TUSC3: variants seen among roughly 807,000 people sequenced by gnomAD.
TUSC3 encodes the protein dolichyl-diphosphooligosaccharide--protein glycosyltransferase subunit TUSC3.
TUSC3 carries 45 observed loss-of-function variants against 44.8 expected under a neutral mutation model. That is an observed-to-expected ratio of 1.00 (90% CI 0.79 to 1.29). TUSC3 has a LOEUF of 1.29. Among genes scored for constraint, TUSC3 ranks in the 50% most tolerant of loss-of-function variants. TUSC3 has a pLI of 0.00. For synonymous variants in TUSC3, 212 were observed against 152.9 expected, an observed-to-expected ratio of 1.39 and a Z score of -2.85; for missense variants, 519 against 437.9, an observed-to-expected ratio of 1.19 and a Z score of -1.65.
chr8:15,749,048 G>T (rs352782), intron 9 of TUSC3, among the ~76,000 whole-genome samples: 4,343 of 152,172 alleles, frequency 0.029, 190 homozygotes, highest in African/African-American at 0.097. Flanking sequence ...AGAGGTGCCC[G>T]ATTACAGTTG....
chr8:15,602,251 A>G (rs1012235229), intron 1 of TUSC3, among the ~76,000 whole-genome samples: 5 of 151,642 alleles, frequency 3.3e-5, no homozygotes, highest in Non-Finnish European at 7.4e-5. Context: ...CTTTTTGAAT[A>G]AATCTATTTT....
chr8:15,568,163 T>C (rs564127798), intron 1 of TUSC3, among the ~76,000 whole-genome samples: 38 of 152,114 alleles, frequency 2.5e-4, no homozygotes, highest in African/African-American at 8.9e-4. Flanking sequence ...GCCTGTGAAA[T>C]TGGAAGGATG....
intron 5 of TUSC3, among the ~76,000 whole-genome samples, chr8:15,663,459 G>T (rs964160095): frequency 6.6e-6 from 1 of 151,684 alleles, no homozygotes; most frequent in African/African-American, 2.4e-5. Flanking sequence ...AAAATTAGGG[G>T]TCTTGATGAC....
At chr8:15,760,976 C>A (rs576168262) in intron 10 of TUSC3, among the ~76,000 whole-genome samples, 37 of 152,264 alleles carry the variant, frequency 2.4e-4, no homozygotes, top group East Asian at 1.9e-3. Flanking sequence ...CATACTTAAT[C>A]ACACCCAGGT....
chr8:15,726,731 A>G (rs1039072365), intron 6 of TUSC3, among the ~76,000 whole-genome samples: 14 of 152,304 alleles, frequency 9.2e-5, no homozygotes, highest in Admixed American at 7.8e-4. Context: ...GTTTGAACCC[A>G]GGAGGCGGAG....
the TUSC3 span, among the ~76,000 whole-genome samples, chr8:15,829,631 C>G: frequency 6.6e-6 from 1 of 151,992 alleles, no homozygotes; most frequent in African/African-American, 2.4e-5. Context: ...GTTTATCAAT[C>G]TTTTCTTTTA....
At chr8:15,524,108 G>A (rs936720192) in intron 2 of TUSC3, among the ~76,000 whole-genome samples, 1 of 151,022 alleles carries the variant, frequency 6.6e-6, no homozygotes, top group Non-Finnish European at 1.5e-5. Flanking sequence ...ATTTGATTTA[G>A]ATGCATTTTT....
intron 10 of TUSC3, chr8:15,758,209 C>G: frequency 9.8e-7 from 1 of 1,017,484 alleles, no homozygotes; most frequent in Non-Finnish European, 1.2e-6. Context: ...GTAGCCAAAT[C>G]TTTTTTCCCA....
the TUSC3 span, among the ~76,000 whole-genome samples, chr8:15,841,280 G>C: frequency 1.3e-5 from 2 of 151,964 alleles, no homozygotes; most frequent in Admixed American, 1.3e-4. Context: ...CTAGGAATTG[G>C]ATTATATATT....
At chr8:15,746,116 C>A (rs950211726) in intron 8 of TUSC3, among the ~76,000 whole-genome samples, 1 of 152,054 alleles carries the variant, frequency 6.6e-6, no homozygotes, top group Admixed American at 6.6e-5. Context: ...TTCCATTGGT[C>A]TGTGTGGAGG....
chr8:15,533,982 C>T (rs1019209369), intron 2 of TUSC3, among the ~76,000 whole-genome samples: 1 of 151,974 alleles, frequency 6.6e-6, no homozygotes, highest in African/African-American at 2.4e-5. Context: ...ACGCAGATGG[C>T]CTTTGGGTTG....
chr8:15,771,077 A>G (rs1812433054), downstream of TUSC3, among the ~76,000 whole-genome samples: 1 of 152,194 alleles, frequency 6.6e-6, no homozygotes, highest in Admixed American at 6.5e-5. Context: ...GTTGCTCATT[A>G]GAGGCCATTA....
chr8:15,623,177 C>G lies in TUSC3; in HGVS notation c.236C>G (p.Ala79Gly). The G allele has an allele frequency of 6.2e-7, 1 of 1,613,780 alleles. No homozygotes were observed. The highest frequency in any genetic ancestry group is 2.2e-5 in the East Asian group (1 of 44,848). ...NGDKFRKFIK[A>G]PPRNYSMIVM... ...GATAAATTCCGAAAATTTATAAAGGCACCACCTCGAAACTATTCCATGATT... is the reference window on the plus strand; with the variant it reads ...GATAAATTCCGAAAATTTATAAAGGGACCACCTCGAAACTATTCCATGATT... The change falls in exon 2 of 11, where the codon GCA becomes GGA. Residue 79 changes from alanine to glycine, a missense_variant. By Grantham distance (60) the Ala-to-Gly change is moderately conservative. Coordinates refer to ENST00000503731, the MANE Select transcript of TUSC3 (RefSeq NM_006765.4).
At chr8:15,748,311 A>G (rs1811511560) in intron 8 of TUSC3, 64 bp from the exon 9 acceptor site, 3 of 1,232,122 alleles carry the variant, frequency 2.4e-6, no homozygotes, top group Non-Finnish European at 3.6e-6. Context: ...ATTTAAAAAT[A>G]TAAACAATTG....
At chr8:15,793,065 T>G in the TUSC3 span, among the ~76,000 whole-genome samples, 1 of 152,152 alleles carries the variant, frequency 6.6e-6, no homozygotes, top group Non-Finnish European at 1.5e-5. Flanking sequence ...CCATTTTTGC[T>G]GCCTTCTCCT....
intron 1 of TUSC3, among the ~76,000 whole-genome samples, chr8:15,474,281 T>C (rs972828321): frequency 6.6e-6 from 1 of 152,166 alleles, no homozygotes; most frequent in Non-Finnish European, 1.5e-5. Flanking sequence ...CAAACACACA[T>C]GTTTTACAAT....
At chr8:15,489,853 C>T (rs756930402) in intron 2 of TUSC3, among the ~76,000 whole-genome samples, 26 of 152,150 alleles carry the variant, frequency 1.7e-4, no homozygotes, top group Non-Finnish European at 3.8e-4. Context: ...CATTCAGTCC[C>T]TTGGGCTTAG....
chr8:15,461,830 A>T (rs1396636502), intron 1 of TUSC3, among the ~76,000 whole-genome samples: 1 of 151,974 alleles, frequency 6.6e-6, no homozygotes. Flanking sequence ...TTGTATATAT[A>T]ATCAAATTAA....
At chr8:15,432,805 T>G (rs1046028834) in intron 1 of TUSC3, among the ~76,000 whole-genome samples, 1 of 152,076 alleles carries the variant, frequency 6.6e-6, no homozygotes, top group African/African-American at 2.4e-5. Flanking sequence ...AGTTCTGTTT[T>G]TTGCTTCCCC....
Sources: allele counts gnomAD v4.1 joint callset (sites outside exome capture counted in the v4.1 genomes callset), GRCh38; gene constraint gnomAD v4.1.1; transcripts MANE v1.5; gene names NCBI Gene and HGNC (gene_info 2026-07-23, HGNC 2026-07-21).